Variants in DCP1A observed in about 807,000 individuals in gnomAD.
DCP1A encodes mRNA-decapping enzyme 1A.
In DCP1A, 20 loss-of-function variants were observed where a neutral mutation model predicts 58.0. The observed-to-expected ratio is 0.34, with a 90% CI of 0.24 to 0.50. The LOEUF (loss-of-function observed/expected upper bound fraction) is 0.50, where lower values mean the gene tolerates loss of function less well. DCP1A is among the 20% of genes least tolerant of loss of function. The pLI, the probability that DCP1A is intolerant of heterozygous loss-of-function variation, is 0.98. For synonymous variants in DCP1A, 285 were observed against 275.1 expected (o/e 1.04, Z -0.36); for missense variants, 613 against 712.2 (o/e 0.86, Z 1.59).
At chr3:53,340,659 C>T (rs977807887) in intron 3 of DCP1A, among the ~76,000 whole-genome samples, 2 of 151,342 alleles carry the variant, frequency 1.3e-5, no homozygotes, top group African/African-American at 4.9e-5. Flanking sequence ...TCCTTAGATG[C>T]CAATTAGAGC....
intron 3 of DCP1A, among the ~76,000 whole-genome samples, chr3:53,328,351 A>G (rs1708168817): frequency 6.6e-6 from 1 of 152,224 alleles, no homozygotes; most frequent in Non-Finnish European, 1.5e-5. Context: ...GAAAACCTAC[A>G]TATTACATGT....
At chr3:53,340,436 C>CCCTG in intron 3 of DCP1A, among the ~76,000 whole-genome samples, 1 of 152,290 alleles carries the variant, frequency 6.6e-6, no homozygotes, top group South Asian at 2.1e-4. Flanking sequence ...ACTTATACTT[C>CCCTG]AAAGTGTGCT....
chr3:53,306,725 T>C, intron 5 of DCP1A, among the ~76,000 whole-genome samples: 1 of 131,200 alleles, frequency 7.6e-6, no homozygotes, highest in Admixed American at 9.1e-5. Context: ...GAGCCGAGAT[T>C]GGGCCACTGC....
chr3:53,283,432 G>T lies in DCP1A; in HGVS notation c.*4148C>A, dbSNP rs1553684700. ...TAAAAACACAATTAAATTTTAGTAG[G>T]TGCTAAAACTTGGTTTTGAAATTTT... On this transcript the variant is annotated 3_prime_UTR_variant, in exon 10 of 10. Coordinates refer to ENST00000610213, the MANE Select transcript of DCP1A (RefSeq NM_018403.7). 6.6e-6 allele frequency: 1 copy of T among 152,084 alleles called. No homozygotes were observed. The highest frequency in any genetic ancestry group is 6.6e-5 in the Admixed American group (1 of 15,252). 9.4% of individuals were successfully genotyped at this position (152,084 alleles called of 1,614,324 possible).
rs879967483 is a variant in DCP1A at position 53,283,720 on chromosome 3, A to G, written c.*3860T>C. 6.6e-6 allele frequency: 1 copy of G among 152,252 alleles called. No homozygotes were observed. Among genetic ancestry groups the G allele is most frequent in the Non-Finnish European group, 1.5e-5 (1 of 68,058 alleles). The allele number at this position is 152,252 out of a possible 1,614,324, so 9.4% of individuals were successfully genotyped here. On this transcript the variant is annotated 3_prime_UTR_variant, in exon 10 of 10. Coordinates refer to ENST00000610213, the MANE Select transcript of DCP1A (RefSeq NM_018403.7). ...TGGCCAAAGCAGTAATACAGAATAA[A>G]AAACCATTTAGAACACATATTTTAA...
chr3:53,308,335 C>A (rs1707537189), intron 5 of DCP1A, among the ~76,000 whole-genome samples: 1 of 152,088 alleles, frequency 6.6e-6, no homozygotes, highest in Non-Finnish European at 1.5e-5. Flanking sequence ...TGCTCTGTTG[C>A]CCAGGCTGGA....
chr3:53,299,814 C>T (rs190052230), intron 6 of DCP1A, among the ~76,000 whole-genome samples: 1 of 152,322 alleles, frequency 6.6e-6, no homozygotes, highest in East Asian at 1.9e-4. Flanking sequence ...TGACTTCTGA[C>T]AATATCCAGA....
rs150061999 is a variant in DCP1A, at chr3:53,341,967, A to G, written c.304+177T>C. Among the ~76,000 whole-genome samples, 433 of 152,136 alleles carry G rather than the reference A, an allele frequency of 2.8e-3. 1 individual carries two copies. Among genetic ancestry groups the G allele is most frequent in the African/African-American group, 0.01 (421 of 41,516 alleles). On this transcript the variant is annotated intron_variant, in intron 3 of 9. Transcript: ENST00000610213. ...GCTGGGATTACAGGCATGAGCCACCACCTCTGGCCTCAGAGCCCAGTTTAA... is the reference window on the plus strand; with the variant it reads ...GCTGGGATTACAGGCATGAGCCACCGCCTCTGGCCTCAGAGCCCAGTTTAA...
chr3:53,300,192 T>C (rs1167929360), intron 6 of DCP1A, among the ~76,000 whole-genome samples: 2 of 152,074 alleles, frequency 1.3e-5, no homozygotes, highest in African/African-American at 4.8e-5. Context: ...GTTTTAAAAG[T>C]ATATGAAAAA....
intron 3 of DCP1A, among the ~76,000 whole-genome samples, chr3:53,338,550 G>A (rs781952699): frequency 9.2e-5 from 14 of 152,052 alleles, no homozygotes; most frequent in Non-Finnish European, 1.8e-4. Context: ...GGTGGGTGTA[G>A]ATGGGCATGT....
intron 3 of DCP1A, among the ~76,000 whole-genome samples, chr3:53,322,575 A>T (rs556427615): frequency 1.3e-5 from 2 of 152,084 alleles, no homozygotes; most frequent in Non-Finnish European, 2.9e-5. Flanking sequence ...CAGCAAGTGA[A>T]CGGCTTCATT....
At chr3:53,295,941 C>G (rs1213369667) in intron 6 of DCP1A, among the ~76,000 whole-genome samples, 3 of 150,586 alleles carry the variant, frequency 2.0e-5, no homozygotes, top group Non-Finnish European at 4.4e-5. Context: ...CGCCCAGGCT[C>G]AAGTGCGGTG....
At chr3:53,314,533 G>C (rs79567818) in intron 4 of DCP1A, among the ~76,000 whole-genome samples, 1 of 152,016 alleles carries the variant, frequency 6.6e-6, no homozygotes. Flanking sequence ...TCTGTCACAC[G>C]GCCTGTTTTC....
At chr3:53,304,392 AAAG>A (rs782752775) in intron 5 of DCP1A, 102 bp from the exon 6 acceptor site, 61 of 791,642 alleles carry the variant, frequency 7.7e-5, no homozygotes, top group African/African-American at 1.4e-4. Context: ...TATTTTTTAA[AAAG>A]AAGAAGAAAA....
chr3:53,311,151 G>C lies in DCP1A; in HGVS notation c.510+1090C>G, dbSNP rs562288185. On this transcript the variant is annotated intron_variant, in intron 5 of 9. Coordinates refer to ENST00000610213, the MANE Select transcript of DCP1A (RefSeq NM_018403.7). ...ATTTGAAGCTTTTTTCAGGATCACT[G>C]ATTAATAACTTAGTAGCTGGTATTA... Among the ~76,000 whole-genome samples the C allele has an allele frequency of 2.6e-5, 4 of 152,300 alleles. No homozygotes were observed. In the East Asian group the frequency reaches 5.8e-4, roughly 22 times the overall value.
rs372634837 is a variant in DCP1A, at chr3:53,318,524, G to A, written c.371+883C>T. ...AAGCAGAGGTGCACCAGAATATACC[G>A]TCTACCTATTATAGCATTTTGCCCA... On this transcript the variant is annotated intron_variant, in intron 4 of 9. Transcript: ENST00000610213. Among the ~76,000 whole-genome samples, 39 of 152,034 alleles carry A rather than the reference G, an allele frequency of 2.6e-4. 1 individual carries two copies. Among genetic ancestry groups the A allele is most frequent in the East Asian group, 7.8e-4 (4 of 5,160 alleles).
rs1553685467 is a variant in DCP1A at position 53,288,301 on chromosome 3, T to C, written c.1450-18A>G. 3 of 1,587,320 alleles carry C rather than the reference T, an allele frequency of 1.9e-6. No homozygotes were observed. The highest frequency in any genetic ancestry group is 2.3e-5 in the East Asian group (1 of 43,692). Reference sequence around the variant, plus strand: ...CCTGCAACCTGGAGAGTGACAATGGTCATTTTGTACCGAAGTGCAGAAGCC... The same window carrying C: ...CCTGCAACCTGGAGAGTGACAATGGCCATTTTGTACCGAAGTGCAGAAGCC... On this transcript the variant is annotated intron_variant, in intron 8 of 9. Transcript: ENST00000610213.
chr3:53,306,321 A>AT (rs1332806419), intron 5 of DCP1A, among the ~76,000 whole-genome samples: 3 of 152,240 alleles, frequency 2.0e-5, no homozygotes, highest in Non-Finnish European at 4.4e-5. Context: ...ACTATCAACC[A>AT]TATCAACCCC....
In DCP1A at chr3:53,288,147, A is replaced by G; in HGVS notation, c.1586T>C (p.Ile529Thr). The change falls in exon 9 of 10, where the codon ATT becomes ACT. Residue 529 changes from isoleucine (I) to threonine (T), a missense_variant. Coordinates refer to ENST00000610213, the MANE Select transcript of DCP1A (RefSeq NM_018403.7). ...CTTTCTCTGACTTTCTGGCGTTCCA[A>G]TAGTTAGAGGAGAAGGGGAGCTGGC... ...RKASSPSPLT[I>T]GTPESQRKPS... 2.5e-6 allele frequency: 4 copies of G among 1,614,000 alleles called. No homozygotes were observed. The highest frequency in any genetic ancestry group is 3.4e-6 in the Non-Finnish European group (4 of 1,179,890).
Sources: gnomAD v4.1 joint callset for allele counts (sites outside exome capture counted in the v4.1 genomes callset) on GRCh38, gnomAD v4.1.1 for gene constraint, MANE v1.5 for transcripts, NCBI Gene and HGNC (gene_info 2026-07-23, HGNC 2026-07-21) for gene names.